AGL: variants seen among roughly 807,000 people sequenced by gnomAD.
The protein encoded by AGL is glycogen debranching enzyme.
AGL carries 128 observed loss-of-function variants against 199.3 expected under a neutral mutation model. The observed-to-expected ratio is 0.64, with a 90% confidence interval of 0.56 to 0.74. The LOEUF (loss-of-function observed/expected upper bound fraction) is 0.74, where lower values mean the gene tolerates loss of function less well. Among genes scored for constraint, AGL ranks in the 30% least tolerant of loss-of-function variants. AGL has a pLI of 0.00. For missense variants in AGL, 1,809 were observed against 1,820.8 expected (o/e 0.99, Z 0.12); for synonymous variants, 584 against 594.7 (o/e 0.98, Z 0.26).
At position 99,900,785 on chromosome 1, in the gene AGL, G is replaced by T; in HGVS notation, c.3512G>T (p.Gly1171Val). 6.2e-7 allele frequency: 1 copy of T among 1,613,954 alleles called. No homozygotes were observed. The highest frequency in any genetic ancestry group is 8.5e-7 in the Non-Finnish European group (1 of 1,179,978). ...IQDYCKMVPN[G>V]LDILKCPVSR... ...GATTACTGTAAAATGGTTCCAAATG[G>T]TCTAGACATTCTCAAGTGCCCAGTT... Residue 1171 changes from glycine to valine, a missense_variant, in exon 26 of 34, where the codon GGT (glycine) becomes GTT (valine). By Grantham distance (109) the Gly-to-Val change is moderately radical. Coordinates refer to ENST00000361915, the MANE Select transcript of AGL (RefSeq NM_000642.3).
Position 99,907,916 on chromosome 1 carries a change from C to T in AGL, c.3701-2796C>T, listed in dbSNP as rs1390334434. ...CAGGGTGCTTTGTATATTCTGGATA[C>T]GAAACACTTATTAGATATGGTTTGC... On this transcript the variant is annotated intron_variant, in intron 27 of 33. Coordinates refer to ENST00000361915, the MANE Select transcript of AGL (RefSeq NM_000642.3). Among the ~76,000 whole-genome samples the T allele has an allele frequency of 4.0e-5, 6 of 151,712 alleles. No individual in the cohort carries two copies. The South Asian group carries it at 6.2e-4, about 16-fold the overall frequency.
At position 99,881,451 on chromosome 1, in the gene AGL, A is replaced by T. The variant is rs1178861512; in HGVS notation, c.2157+4A>T. 1.9e-6 allele frequency: 3 copies of T among 1,613,978 alleles called. No individual in the cohort carries two copies. The African/African-American group carries it at 4.0e-5, about 22-fold the overall frequency. On this transcript the variant is annotated splice_donor_region_variant and intron_variant, in intron 16 of 33. Coordinates refer to ENST00000361915, the MANE Select transcript of AGL (RefSeq NM_000642.3). ...TGGAGCCAAGGGTTTTATTCAGGCA[A>T]GAAATAATTAAATTTGTTTCTTCAG...
At chr1:99,881,814 G>T in intron 17 of AGL, 123 bp downstream of exon 17, 3 of 970,646 alleles carry the variant, frequency 3.1e-6, no homozygotes, top group South Asian at 4.3e-5. Context: ...TACTGTGGAC[G>T]TACTTGAGAA....
chr1:99,902,555 C>T (rs537921169), intron 26 of AGL, 128 bp from the exon 27 acceptor site: 14 of 743,424 alleles, frequency 1.9e-5, no homozygotes, highest in Non-Finnish European at 3.4e-5. Context: ...TCCCTGGCCT[C>T]ACCCCAATTC....
At chr1:99,876,392 T>G in intron 10 of AGL, 66 bp from the exon 11 acceptor site, 1 of 1,246,138 alleles carries the variant, frequency 8.0e-7, no homozygotes, top group South Asian at 1.4e-5. Context: ...GTTTTAATAT[T>G]GCAAATTTAT....
At position 99,870,925 on chromosome 1, in the gene AGL, A is replaced by C. The variant is rs945170238; in HGVS notation, c.958+56A>C. 33 of 1,089,866 alleles carry C rather than the reference A, an allele frequency of 3.0e-5. No individual in the cohort carries two copies. In the African/African-American group the frequency reaches 4.9e-4, roughly 16 times the overall value. 67.5% of individuals were successfully genotyped at this position (1,089,866 alleles called of 1,614,324 possible). ...GATTTTAAGAAATGTAATATTATAAAGGGAAAACTCTCTTTTGGGTAACGT... is the reference window on the plus strand; with the variant it reads ...GATTTTAAGAAATGTAATATTATAACGGGAAAACTCTCTTTTGGGTAACGT... On this transcript the variant is annotated intron_variant, in intron 7 of 33. Coordinates refer to ENST00000361915, the MANE Select transcript of AGL (RefSeq NM_000642.3).
intron 27 of AGL, among the ~76,000 whole-genome samples, chr1:99,909,733 T>A (rs551982095): frequency 4.7e-4 from 71 of 152,268 alleles, no homozygotes; most frequent in Middle Eastern, 3.4e-3. Flanking sequence ...TCTGCCTTCC[T>A]CTTTACACTT....
chr1:99,899,606 TTTCC>T (rs71075464), intron 25 of AGL, among the ~76,000 whole-genome samples: 3,587 of 143,416 alleles, frequency 0.025, 66 homozygotes, highest in Non-Finnish European at 0.038. Context: ...CCTTTCTTTC[TTTCC>T]TTCTTTCTTT....
chr1:99,855,444 G>C (rs1416337992), intron 2 of AGL, among the ~76,000 whole-genome samples: 1 of 152,078 alleles, frequency 6.6e-6, no homozygotes, highest in Non-Finnish European at 1.5e-5. Context: ...AATAAATAAT[G>C]ATCTTTTCTA....
At chr1:99,887,602 C>G (rs1652549034) in intron 20 of AGL, among the ~76,000 whole-genome samples, 1 of 151,922 alleles carries the variant, frequency 6.6e-6, no homozygotes, top group African/African-American at 2.4e-5. Flanking sequence ...GGAGAGAAAT[C>G]AGATGAGAAC....
At chr1:99,903,781 A>C (rs995110561) in intron 27 of AGL, among the ~76,000 whole-genome samples, 1 of 152,168 alleles carries the variant, frequency 6.6e-6, no homozygotes, top group African/African-American at 2.4e-5. Flanking sequence ...ATTTCTCCAC[A>C]TCCTCTCCAG....
At chr1:99,896,523 T>C in intron 25 of AGL, 135 bp downstream of exon 25, 2 of 737,580 alleles carry the variant, frequency 2.7e-6, no homozygotes, top group Admixed American at 4.5e-5. Flanking sequence ...TTTATTTTAT[T>C]TTTGTATGTT....
intron 2 of AGL, among the ~76,000 whole-genome samples, chr1:99,857,232 G>A (rs1316130331): frequency 4.6e-5 from 7 of 151,602 alleles, no homozygotes; most frequent in Admixed American, 2.0e-4. Flanking sequence ...GGACAAAGGC[G>A]CTCCCCACAT....
intron 33 of AGL, among the ~76,000 whole-genome samples, chr1:99,920,337 A>C (rs1399577391): frequency 2.0e-5 from 3 of 152,186 alleles, no homozygotes; most frequent in African/African-American, 7.2e-5. Context: ...AGCTGCTGAT[A>C]ATCCTGTGGC....
chr1:99,863,839 A>G (rs1007923913), intron 4 of AGL, among the ~76,000 whole-genome samples: 4 of 148,344 alleles, frequency 2.7e-5, no homozygotes, highest in African/African-American at 1.0e-4. Flanking sequence ...CAAAAGTCTC[A>G]CTGTGTTGCC....
intron 29 of AGL, among the ~76,000 whole-genome samples, chr1:99,913,016 A>G (rs567841843): frequency 6.6e-6 from 1 of 152,232 alleles, no homozygotes; most frequent in South Asian, 2.1e-4. Flanking sequence ...TGAGCTCAGG[A>G]GTTTGAGACC....
chr1:99,912,275 A>G lies in AGL; in HGVS notation c.3837-130A>G, dbSNP rs549694632. The G allele has an allele frequency of 1.1e-3, 799 of 735,648 alleles. 2 individuals are homozygous for G. The highest frequency in any genetic ancestry group is 1.7e-3 in the Non-Finnish European group (744 of 444,854). 45.6% of individuals were successfully genotyped at this position (735,648 alleles called of 1,614,324 possible). Reference sequence around the variant, plus strand: ...TTTACATGATATAGTACACATTCCTATAGAGTAAGGATTTTTTAATAGTTT... The same window carrying G: ...TTTACATGATATAGTACACATTCCTGTAGAGTAAGGATTTTTTAATAGTTT... On this transcript the variant is annotated intron_variant, in intron 28 of 33. Coordinates refer to ENST00000361915, the MANE Select transcript of AGL (RefSeq NM_000642.3).
chr1:99,883,026 C>T (rs578199637), intron 17 of AGL, among the ~76,000 whole-genome samples: 2 of 152,174 alleles, frequency 1.3e-5, no homozygotes, highest in South Asian at 4.1e-4. Flanking sequence ...GTTTTGGTCA[C>T]AGATCATTCT....
intron 2 of AGL, among the ~76,000 whole-genome samples, chr1:99,857,595 C>T (rs565060703): frequency 4.6e-5 from 7 of 151,654 alleles, no homozygotes; most frequent in East Asian, 1.9e-4. Context: ...GGATCACTCG[C>T]GGTTAGGAGC....
Sources: allele counts gnomAD v4.1 joint callset (sites outside exome capture counted in the v4.1 genomes callset), GRCh38; gene constraint gnomAD v4.1.1; transcripts MANE v1.5; gene names NCBI Gene and HGNC (gene_info 2026-07-23, HGNC 2026-07-21).